PTPRR: variants seen among roughly 807,000 people sequenced by gnomAD.
The protein encoded by PTPRR is protein tyrosine phosphatase receptor type R.
A neutral mutation model predicts 77.2 loss-of-function variants in PTPRR; 38 were observed. The observed-to-expected ratio is 0.49, with a 90% CI of 0.38 to 0.65. The LOEUF (loss-of-function observed/expected upper bound fraction) is 0.65. Among genes scored for constraint, PTPRR ranks in the 30% least tolerant of loss-of-function variants. The probability of loss-of-function intolerance (pLI) is 0.00; values close to 1 mark genes in which losing one functional copy is unlikely to be tolerated. For synonymous variants in PTPRR, 299 were observed against 283.1 expected (o/e 1.06, Z -0.57); for missense variants, 744 against 799.2 (o/e 0.93, Z 0.83).
At chr12:70,911,656 A>G (rs1893700872) in intron 1 of PTPRR, among the ~76,000 whole-genome samples, 1 of 145,542 alleles carries the variant, frequency 6.9e-6, no homozygotes, top group Non-Finnish European at 1.5e-5. Flanking sequence ...GGAGGTAGAT[A>G]TTTTCGAGCT....
intron 2 of PTPRR, among the ~76,000 whole-genome samples, chr12:70,846,494 G>C (rs1009021979): frequency 2.6e-5 from 4 of 152,182 alleles, no homozygotes; most frequent in African/African-American, 9.7e-5. Flanking sequence ...TATAGGCATT[G>C]CTATTGTGTG....
chr12:70,763,747 C>A (rs11178398), intron 3 of PTPRR, among the ~76,000 whole-genome samples: 56,174 of 152,004 alleles, frequency 0.37, 12,597 homozygotes, highest in African/African-American at 0.63. Context: ...ACATTAAGAG[C>A]AATTTAAAAC....
chr12:70,819,039 G>A (rs1370468880), intron 2 of PTPRR, among the ~76,000 whole-genome samples: 1 of 152,220 alleles, frequency 6.6e-6, no homozygotes, highest in African/African-American at 2.4e-5. Context: ...ATAAAGAGAA[G>A]GTCAGGTGTG....
chr12:70,835,238 C>CT (rs1271011605), intron 2 of PTPRR, among the ~76,000 whole-genome samples: 2 of 151,904 alleles, frequency 1.3e-5, no homozygotes, highest in African/African-American at 4.8e-5. Context: ...CATAAATGCC[C>CT]TTTGTATACT....
intron 6 of PTPRR, among the ~76,000 whole-genome samples, chr12:70,738,887 A>G (rs922013210): frequency 6.6e-6 from 1 of 152,214 alleles, no homozygotes; most frequent in Non-Finnish European, 1.5e-5. Context: ...AGGTGAATAA[A>G]CAGGTTCCAA....
At chr12:70,662,005 C>T (rs780000371) in intron 11 of PTPRR, among the ~76,000 whole-genome samples, 39 of 152,310 alleles carry the variant, frequency 2.6e-4, no homozygotes, top group Non-Finnish European at 5.1e-4. Context: ...GACATAATCT[C>T]GTCTGGGGAA....
chr12:70,758,393 CT>C (rs66890457), intron 4 of PTPRR, among the ~76,000 whole-genome samples: 15,475 of 147,136 alleles, frequency 0.11, 1,117 homozygotes, highest in Non-Finnish European at 0.16. Context: ...TAGGGAGCTT[CT>C]TTTGGTTTGC....
intron 2 of PTPRR, among the ~76,000 whole-genome samples, chr12:70,842,721 C>A (rs1892417243): frequency 6.6e-6 from 1 of 152,176 alleles, no homozygotes. Flanking sequence ...CAGGATTGCT[C>A]AGTGTGACCT....
intron 2 of PTPRR, among the ~76,000 whole-genome samples, chr12:70,776,897 C>G (rs938066690): frequency 6.6e-6 from 1 of 152,044 alleles, no homozygotes; most frequent in East Asian, 1.9e-4. Context: ...CTTATTACAA[C>G]AAAATTTAAG....
intron 8 of PTPRR, among the ~76,000 whole-genome samples, chr12:70,694,661 G>T (rs1888168391): frequency 6.6e-6 from 1 of 152,046 alleles, no homozygotes; most frequent in Non-Finnish European, 1.5e-5. Context: ...AAAAAGGGAG[G>T]GAGGGAAAGG....
chr12:70,694,584 T>C (rs546988723), intron 8 of PTPRR, among the ~76,000 whole-genome samples: 10 of 152,128 alleles, frequency 6.6e-5, no homozygotes, highest in Admixed American at 2.0e-4. Flanking sequence ...TTCTCACTTA[T>C]AAGTGAGAGC....
chr12:70,841,991 A>C (rs1277154588), intron 2 of PTPRR, among the ~76,000 whole-genome samples: 3 of 152,206 alleles, frequency 2.0e-5, no homozygotes, highest in Non-Finnish European at 4.4e-5. Context: ...CATATCTTCA[A>C]ATTTAATTTT....
At chr12:70,898,297 TA>T (rs1334364604) in intron 1 of PTPRR, among the ~76,000 whole-genome samples, 1 of 150,716 alleles carries the variant, frequency 6.6e-6, no homozygotes, top group Non-Finnish European at 1.5e-5. Flanking sequence ...TTCAAATTTC[TA>T]ATTCAAAGTG....
intron 10 of PTPRR, among the ~76,000 whole-genome samples, chr12:70,673,478 T>A (rs1204637486): frequency 2.0e-5 from 3 of 152,224 alleles, no homozygotes; most frequent in Non-Finnish European, 4.4e-5. Context: ...CAAGTGTTAA[T>A]CCTTAGTACA....
chr12:70,641,647 A>G (rs1886006442), intron 13 of PTPRR, among the ~76,000 whole-genome samples: 1 of 152,318 alleles, frequency 6.6e-6, no homozygotes, highest in South Asian at 2.1e-4. Context: ...CTTAATTTGG[A>G]AAATAAAAAT....
chr12:70,840,465 A>C (rs1013290713), intron 2 of PTPRR, among the ~76,000 whole-genome samples: 13 of 152,170 alleles, frequency 8.5e-5, no homozygotes, highest in Non-Finnish European at 1.8e-4. Context: ...AAAGCAACAC[A>C]TTCGCAGTTC....
At chr12:70,837,529 C>A (rs745761007) in intron 2 of PTPRR, among the ~76,000 whole-genome samples, 4 of 151,924 alleles carry the variant, frequency 2.6e-5, no homozygotes, top group Non-Finnish European at 5.9e-5. Context: ...AAGCAGCTCT[C>A]GGAACTCAGG....
At chr12:70,698,880 A>C (rs193157608) in intron 7 of PTPRR, among the ~76,000 whole-genome samples, 1 of 152,300 alleles carries the variant, frequency 6.6e-6, no homozygotes, top group East Asian at 1.9e-4. Flanking sequence ...ATGGTTTATA[A>C]CTGGACTGTT....
intron 2 of PTPRR, among the ~76,000 whole-genome samples, chr12:70,836,622 G>A (rs1256790670): frequency 1.3e-5 from 2 of 151,918 alleles, no homozygotes; most frequent in African/African-American, 4.8e-5. Flanking sequence ...GACCTTGAAA[G>A]TGCATGCTCC....
Sources: allele counts gnomAD v4.1 joint callset (sites outside exome capture counted in the v4.1 genomes callset), GRCh38; gene constraint gnomAD v4.1.1; transcripts MANE v1.5; gene names NCBI Gene and HGNC (gene_info 2026-07-23, HGNC 2026-07-21).